The following LDAH variants were observed in gnomAD, a reference collection of about 807,000 sequenced individuals.
LDAH encodes lipid droplet-associated hydrolase.
Under a neutral mutation model 29.6 loss-of-function variants are expected in LDAH, and 26 were observed. The ratio of observed to expected loss-of-function variants is 0.88; its 90% CI spans 0.64 to 1.22. The LOEUF (loss-of-function observed/expected upper bound fraction) is 1.22, where lower values mean the gene tolerates loss of function less well. Ranked by LOEUF, LDAH falls within the 50% of genes most tolerant of loss-of-function variation. The pLI is 0.00. For missense variants in LDAH, 344 were observed against 387.3 expected, an observed-to-expected ratio of 0.89 and a Z score of 0.94; for synonymous variants, 117 against 133.0, an observed-to-expected ratio of 0.88 and a Z score of 0.83.
intron 4 of LDAH, among the ~76,000 whole-genome samples, chr2:20,763,515 A>G (rs1012919409): frequency 1.3e-5 from 2 of 152,232 alleles, no homozygotes; most frequent in Non-Finnish European, 2.9e-5. Flanking sequence ...TACTACTTTG[A>G]GACATGTTGG....
intron 1 of LDAH, among the ~76,000 whole-genome samples, chr2:20,803,302 G>A (rs912835630): frequency 1.3e-5 from 2 of 152,130 alleles, no homozygotes; most frequent in African/African-American, 4.8e-5. Context: ...TCTTTCTCCA[G>A]CTCTCTACTC....
intron 4 of LDAH, among the ~76,000 whole-genome samples, chr2:20,742,792 C>CTTTTT (rs1667277802): frequency 8.0e-6 from 1 of 124,896 alleles, no homozygotes. Flanking sequence ...TTTTCTTTTT[C>CTTTTT]CTTTTTTTTT....
intron 6 of LDAH, among the ~76,000 whole-genome samples, chr2:20,690,217 G>A (rs1469437380): frequency 2.0e-5 from 3 of 152,174 alleles, no homozygotes; most frequent in Admixed American, 6.5e-5. Context: ...CCACCTCAGG[G>A]TATCAAGAGA....
intron 2 of LDAH, among the ~76,000 whole-genome samples, chr2:20,799,708 T>A (rs774988438): frequency 6.6e-6 from 1 of 152,196 alleles, no homozygotes; most frequent in Non-Finnish European, 1.5e-5. Context: ...TTAGTATCTA[T>A]CATTATACTC....
intron 5 of LDAH, among the ~76,000 whole-genome samples, chr2:20,719,796 A>G (rs1216823595): frequency 6.6e-6 from 1 of 152,144 alleles, no homozygotes; most frequent in Non-Finnish European, 1.5e-5. Context: ...CAGCCCAGGG[A>G]GGCAAGGATG....
At chr2:20,741,911 G>A (rs1015202547) in intron 4 of LDAH, among the ~76,000 whole-genome samples, 6 of 152,140 alleles carry the variant, frequency 3.9e-5, no homozygotes, top group African/African-American at 1.4e-4. Context: ...CTATTGTGAA[G>A]GGTGTTTCAA....
At chr2:20,748,360 T>A (rs1667722018) in intron 4 of LDAH, among the ~76,000 whole-genome samples, 1 of 152,242 alleles carries the variant, frequency 6.6e-6, no homozygotes, top group Non-Finnish European at 1.5e-5. Context: ...AATGTTTGCA[T>A]ATTTGCAGAG....
chr2:20,793,116 G>A (rs772234252), intron 2 of LDAH, among the ~76,000 whole-genome samples: 9 of 152,080 alleles, frequency 5.9e-5, no homozygotes, highest in Non-Finnish European at 8.8e-5. Flanking sequence ...AGCACTTACT[G>A]TATGAAAGTC....
chr2:20,779,334 A>G (rs924601741), intron 3 of LDAH, among the ~76,000 whole-genome samples: 1 of 151,914 alleles, frequency 6.6e-6, no homozygotes, highest in African/African-American at 2.4e-5. Flanking sequence ...GGAACAACAC[A>G]TACTAGGGCT....
At chr2:20,806,857 T>C (rs897644943) in intron 1 of LDAH, among the ~76,000 whole-genome samples, 3 of 151,604 alleles carry the variant, frequency 2.0e-5, no homozygotes, top group African/African-American at 7.3e-5. Context: ...ATAAAGGACT[T>C]AGCCATTTGG....
At chr2:20,789,329 C>G (rs1558480450) in intron 3 of LDAH, 17 of 1,534,224 alleles carry the variant, frequency 1.1e-5, no homozygotes, top group East Asian at 4.9e-5. Flanking sequence ...GAGAGGACAG[C>G]AAGAATGCCA....
rs1665666643 is a variant in LDAH at position 20,721,762 on chromosome 2, A to G, written c.703+18209T>C. 2.0e-5 allele frequency among the ~76,000 whole-genome samples: 3 copies of G among 152,198 alleles called. No individual in the cohort carries two copies. The South Asian group carries it at 6.2e-4, about 31-fold the overall frequency. On this transcript the variant is annotated intron_variant, in intron 5 of 6. Transcript: ENST00000237822. ...AAAACTAAAACTAGAACTACCACAT[A>G]GTTCAGTTCAGCAATCCCACTGATA...
At chr2:20,697,555 T>G (rs1047385914) in intron 6 of LDAH, among the ~76,000 whole-genome samples, 14 of 152,218 alleles carry the variant, frequency 9.2e-5, no homozygotes, top group African/African-American at 3.1e-4. Context: ...ATCACATGGT[T>G]GTCAAATGTT....
chr2:20,769,148 C>T (rs962555806), intron 4 of LDAH, among the ~76,000 whole-genome samples: 2 of 152,138 alleles, frequency 1.3e-5, no homozygotes, highest in Non-Finnish European at 2.9e-5. Flanking sequence ...CATGCTGTCT[C>T]CCTTGCCTAG....
intron 5 of LDAH, among the ~76,000 whole-genome samples, chr2:20,706,227 AG>A (rs1041229281): frequency 2.0e-5 from 3 of 152,326 alleles, no homozygotes; most frequent in African/African-American, 7.2e-5. Flanking sequence ...GAGAAAAAAA[AG>A]TTTGGGGAAC....
chr2:20,794,518 G>C (rs1261425857), intron 2 of LDAH, among the ~76,000 whole-genome samples: 1 of 152,106 alleles, frequency 6.6e-6, no homozygotes, highest in African/African-American at 2.4e-5. Flanking sequence ...AGCAAACTGA[G>C]TCCATCAAAA....
chr2:20,821,837 AT>A (rs1673335548), intron 1 of LDAH, among the ~76,000 whole-genome samples: 1 of 152,212 alleles, frequency 6.6e-6, no homozygotes, highest in East Asian at 1.9e-4. Flanking sequence ...AAAGCAAAAT[AT>A]TAAAATATAA....
chr2:20,719,947 G>A (rs1239551414), intron 5 of LDAH, among the ~76,000 whole-genome samples: 1 of 151,840 alleles, frequency 6.6e-6, no homozygotes, highest in Non-Finnish European at 1.5e-5. Flanking sequence ...CTCAACAAAC[G>A]GGGTATAGAA....
chr2:20,740,555 T>C (rs562212421), intron 4 of LDAH, among the ~76,000 whole-genome samples: 3 of 152,268 alleles, frequency 2.0e-5, no homozygotes, highest in African/African-American at 7.2e-5. Context: ...ATGATTCTCC[T>C]GCCTTGGCCT....
Sources: allele counts gnomAD v4.1 joint callset (sites outside exome capture counted in the v4.1 genomes callset), GRCh38; gene constraint gnomAD v4.1.1; transcripts MANE v1.5; gene names NCBI Gene and HGNC (gene_info 2026-07-23, HGNC 2026-07-21).